Variants in LRRFIP2 observed in about 807,000 individuals in gnomAD.
The protein encoded by LRRFIP2 is LRR binding FLII interacting protein 2, also known as leucine-rich repeat flightless-interacting protein 2.
A neutral mutation model predicts 125.9 loss-of-function variants in LRRFIP2; 109 were observed. The ratio of observed to expected loss-of-function variants is 0.87; its 90% CI spans 0.74 to 1.01. The LOEUF (loss-of-function observed/expected upper bound fraction) is 1.01. Among genes scored for constraint, LRRFIP2 ranks in the 50% least tolerant of loss-of-function variants. LRRFIP2 has a pLI of 0.00. For missense variants in LRRFIP2, 850 were observed against 862.3 expected, an observed-to-expected ratio of 0.99 and a Z score of 0.18; for synonymous variants, 291 against 293.1, an observed-to-expected ratio of 0.99 and a Z score of 0.07.
chr3:37,093,842 C>T (rs567547900), intron 17 of LRRFIP2, among the ~76,000 whole-genome samples: 4 of 152,306 alleles, frequency 2.6e-5, no homozygotes, highest in South Asian at 4.1e-4. Flanking sequence ...GGCAACTTTG[C>T]TATACAGGTA....
chr3:37,134,047 T>C (rs976379841), intron 2 of LRRFIP2, among the ~76,000 whole-genome samples: 7 of 152,108 alleles, frequency 4.6e-5, no homozygotes, highest in African/African-American at 1.7e-4. Flanking sequence ...CCAGGCATGG[T>C]AGCGCTTGCC....
intron 24 of LRRFIP2, among the ~76,000 whole-genome samples, chr3:37,061,773 A>G (rs1290527291): frequency 6.6e-6 from 1 of 152,124 alleles, no homozygotes; most frequent in Admixed American, 6.6e-5. Flanking sequence ...CCTTCCAAGG[A>G]TCTTGCTATC....
At position 37,117,078 on chromosome 3, in the gene LRRFIP2, C is replaced by A. The variant is rs934319187; in HGVS notation, c.331-1983G>T. The stretch of plus-strand genomic sequence containing the variant: ...AGACACTTCCCCAAAAATAAAGTTG[C>A]TTCTCTATAGAAATTTCTAAATTAA... On this transcript the variant is annotated intron_variant, in intron 6 of 27. Transcript: ENST00000336686. Among the ~76,000 whole-genome samples, 5 of 150,430 alleles carry A rather than the reference C, an allele frequency of 3.3e-5. No individual in the cohort carries two copies. In the East Asian group the frequency reaches 5.8e-4, roughly 18 times the overall value.
intron 2 of LRRFIP2, among the ~76,000 whole-genome samples, chr3:37,130,904 T>C (rs2095411220): frequency 6.6e-6 from 1 of 152,184 alleles, no homozygotes; most frequent in South Asian, 2.1e-4. Flanking sequence ...CTAAGATCTA[T>C]GGTAAGAACA....
At chr3:37,166,605 C>T (rs924560713) in intron 1 of LRRFIP2, among the ~76,000 whole-genome samples, 2 of 152,182 alleles carry the variant, frequency 1.3e-5, no homozygotes, top group African/African-American at 4.8e-5. Flanking sequence ...CATACGTAAT[C>T]CCAGCACTTT....
intron 9 of LRRFIP2, among the ~76,000 whole-genome samples, chr3:37,110,309 A>G (rs575606172): frequency 6.6e-6 from 1 of 152,336 alleles, no homozygotes; most frequent in East Asian, 1.9e-4. Context: ...AAGGAATTAA[A>G]TCTTGCTTTT....
chr3:37,173,352 AC>A (rs2096612638), intron 1 of LRRFIP2, among the ~76,000 whole-genome samples: 2 of 152,174 alleles, frequency 1.3e-5, no homozygotes, highest in South Asian at 4.1e-4. Context: ...GCAGGGACAC[AC>A]CACCAGCTAA....
intron 12 of LRRFIP2, 24 bp from the exon 13 acceptor site, chr3:37,108,153 GT>G: frequency 6.3e-7 from 1 of 1,579,416 alleles, no homozygotes; most frequent in Non-Finnish European, 8.7e-7. Flanking sequence ...AAGAAGAAAG[GT>G]TTTACAACAA....
chr3:37,085,505 A>G lies in LRRFIP2; in HGVS notation c.1108-1699T>C, dbSNP rs567594376. Among the ~76,000 whole-genome samples, 12 of 151,858 alleles carry G rather than the reference A, an allele frequency of 7.9e-5. No individual in the cohort carries two copies. In the South Asian group the frequency reaches 2.5e-3, roughly 32 times the overall value. ...CACTGTACCCCAGCCTGGGTAACAG[A>G]GTGAGACCATGTCTCAAAAACAAAC... On this transcript the variant is annotated intron_variant, in intron 18 of 27. Transcript: ENST00000336686.
At chr3:37,072,626 C>T (rs1201318687) in intron 21 of LRRFIP2, among the ~76,000 whole-genome samples, 164 bp downstream of exon 21, 1 of 151,720 alleles carries the variant, frequency 6.6e-6, no homozygotes, top group Admixed American at 6.6e-5. Context: ...CCAGGCACAA[C>T]GTCAGGTTTT....
intron 1 of LRRFIP2, among the ~76,000 whole-genome samples, chr3:37,168,061 C>T (rs2096534178): frequency 6.6e-6 from 1 of 152,164 alleles, no homozygotes; most frequent in Non-Finnish European, 1.5e-5. Context: ...TTGTGCATTG[C>T]TGGTGGTAAT....
Position 37,058,828 on chromosome 3 carries a change from A to G in LRRFIP2, c.1832T>C (p.Leu611Pro). Residue 611 changes from leucine (L) to proline (P), a missense_variant, in exon 25 of 28, where the codon CTG (leucine) becomes CCG (proline). Leu to Pro is a moderately conservative substitution (Grantham distance 98). Transcript: ENST00000336686. ...GAACTGCAAGTCTGAGCCATTCTGC[A>G]GTCCTGCCAGGTCACCCACTGTGCC... ...NDGTVGDLAG[L>P]QNGSDLQFIE... is the part of the protein sequence containing the mutation. 6.2e-7 allele frequency: 1 copy of G among 1,614,180 alleles called. No homozygotes were observed. The highest frequency in any genetic ancestry group is 1.3e-5 in the African/African-American group (1 of 75,050).
intron 2 of LRRFIP2, among the ~76,000 whole-genome samples, chr3:37,138,373 G>C (rs1170939718): frequency 6.6e-6 from 1 of 152,132 alleles, no homozygotes. Flanking sequence ...TCTACAAGTA[G>C]GAGGAACCTA....
chr3:37,127,711 A>C, intron 3 of LRRFIP2, 31 bp from the exon 4 acceptor site: 1 of 1,559,950 alleles, frequency 6.4e-7, no homozygotes, highest in Non-Finnish European at 8.8e-7. Flanking sequence ...TAAACCAAAT[A>C]GTTTCTAACA....
chr3:37,054,559 G>A, intron 26 of LRRFIP2, 44 bp from the exon 27 acceptor site: 2 of 1,316,476 alleles, frequency 1.5e-6, no homozygotes, highest in Non-Finnish European at 2.1e-6. Context: ...GGCACTAGAA[G>A]TCACCACTTT....
intron 1 of LRRFIP2, among the ~76,000 whole-genome samples, chr3:37,156,104 G>A (rs62244273): frequency 0.016 from 2,504 of 152,044 alleles, 27 homozygotes; most frequent in Non-Finnish European, 0.027. Flanking sequence ...TGAACCCCTG[G>A]GCTCGAGCAA....
intron 19 of LRRFIP2, among the ~76,000 whole-genome samples, chr3:37,082,196 A>G (rs2092701101): frequency 6.6e-6 from 1 of 152,146 alleles, no homozygotes; most frequent in African/African-American, 2.4e-5. Context: ...AGGCTCTAGG[A>G]AAAGCATGAT....
chr3:37,069,312 C>T (rs999067211), intron 21 of LRRFIP2, among the ~76,000 whole-genome samples: 11 of 152,186 alleles, frequency 7.2e-5, no homozygotes, highest in Non-Finnish European at 1.5e-4. Context: ...CAGCATTATT[C>T]ACAATGGCCA....
At chr3:37,104,081 G>C (rs930223756) in intron 14 of LRRFIP2, among the ~76,000 whole-genome samples, 33 of 151,888 alleles carry the variant, frequency 2.2e-4, no homozygotes, top group African/African-American at 8.0e-4. Flanking sequence ...ATGAAGTTTT[G>C]CTAAGGACTG....
Sources: allele counts gnomAD v4.1 joint callset (sites outside exome capture counted in the v4.1 genomes callset), GRCh38; gene constraint gnomAD v4.1.1; transcripts MANE v1.5; gene names NCBI Gene and HGNC (gene_info 2026-07-23, HGNC 2026-07-21).